PYGO1: variants seen among roughly 807,000 people sequenced by gnomAD.
PYGO1 encodes pygopus family PHD finger 1.
A neutral mutation model predicts 29.5 loss-of-function variants in PYGO1; 6 were observed. That is an observed-to-expected ratio of 0.20 (90% confidence interval 0.11 to 0.40). The LOEUF (loss-of-function observed/expected upper bound fraction) is 0.40. Among genes scored for constraint, PYGO1 ranks in the 10% least tolerant of loss-of-function variants. PYGO1 has a pLI of 1.00. For synonymous variants in PYGO1, 186 were observed against 180.5 expected (o/e 1.03, Z -0.24); for missense variants, 515 against 514.9 (o/e 1.00, Z 0.00).
chr15:55,582,091 C>A (rs2059027328), intron 1 of PYGO1, among the ~76,000 whole-genome samples: 1 of 151,474 alleles, frequency 6.6e-6, no homozygotes, highest in Non-Finnish European at 1.5e-5. Context: ...CCTATAATCC[C>A]AGCTACTCTG....
At chr15:55,578,478 A>G (rs1031731443) in intron 1 of PYGO1, among the ~76,000 whole-genome samples, 2 of 152,172 alleles carry the variant, frequency 1.3e-5, no homozygotes, top group Non-Finnish European at 2.9e-5. Context: ...TTTCATCTGC[A>G]AGGTATGAGG....
intron 1 of PYGO1, among the ~76,000 whole-genome samples, chr15:55,583,092 T>C (rs2059031888): frequency 6.6e-6 from 1 of 152,168 alleles, no homozygotes; most frequent in South Asian, 2.1e-4. Flanking sequence ...TTTCTTTCTT[T>C]CTCCATTCTC....
chr15:55,588,137 C>T lies in PYGO1; in HGVS notation c.-254G>A, dbSNP rs1179095361. Reference sequence around the variant, plus strand: ...CAGCGGCGGTGGCCGGGAGCGCGGCCTGGGGGCGGCCCCCCACCCGGGGCC... The same window carrying T: ...CAGCGGCGGTGGCCGGGAGCGCGGCTTGGGGGCGGCCCCCCACCCGGGGCC... On this transcript the variant is annotated 5_prime_UTR_variant, in exon 1 of 3. Coordinates refer to ENST00000563719, the MANE Select transcript of PYGO1 (RefSeq NM_001367806.1). The T allele has an allele frequency of 1.2e-5, 9 of 755,454 alleles. No individual in the cohort carries two copies. Among genetic ancestry groups the T allele is most frequent in the Non-Finnish European group, 1.4e-5 (9 of 622,260 alleles). 46.8% of individuals were successfully genotyped at this position (755,454 alleles called of 1,614,324 possible). A position where few individuals can be genotyped will look rare whatever the true frequency, so the allele number is the denominator to read the frequency against.
intron 1 of PYGO1, among the ~76,000 whole-genome samples, chr15:55,559,717 C>T (rs1405853615): frequency 1.3e-5 from 2 of 152,122 alleles, no homozygotes; most frequent in Non-Finnish European, 2.9e-5. Context: ...ATAACAAAAC[C>T]TGGCAGAGAT....
At chr15:55,581,877 C>G (rs1412147740) in intron 1 of PYGO1, among the ~76,000 whole-genome samples, 1 of 152,032 alleles carries the variant, frequency 6.6e-6, no homozygotes. Flanking sequence ...AATAAAGCAG[C>G]AGCTATGGAA....
At chr15:55,554,225 G>C (rs1450854966) in intron 1 of PYGO1, among the ~76,000 whole-genome samples, 1 of 152,014 alleles carries the variant, frequency 6.6e-6, no homozygotes. Flanking sequence ...AGCACTTTGG[G>C]AGGCCAAGGT....
At chr15:55,588,809 G>C (rs1259178158), upstream of PYGO1, 2 of 1,613,780 alleles carry the variant, frequency 1.2e-6, no homozygotes, top group Non-Finnish European at 1.7e-6. Context: ...CGTACCATGC[G>C]AGGAAACTTT....
intron 1 of PYGO1, among the ~76,000 whole-genome samples, chr15:55,578,740 G>A (rs1383850169): frequency 6.6e-6 from 1 of 152,032 alleles, no homozygotes; most frequent in East Asian, 1.9e-4. Context: ...TATATATTCT[G>A]GGTACTAAAC....
rs2058844443 is a variant in PYGO1 at position 55,545,226 on chromosome 15, C to G, written c.*797G>C. On this transcript the variant is annotated 3_prime_UTR_variant, in exon 3 of 3. Coordinates refer to ENST00000563719, the MANE Select transcript of PYGO1 (RefSeq NM_001367806.1). ...CTTCTGTGGATACTATAGTATTTCT[C>G]TGGAAAACAATAAACAATAACAAGA... 1 of 152,136 alleles carries G rather than the reference C, an allele frequency of 6.6e-6. No homozygotes were observed. The highest frequency in any genetic ancestry group is 2.1e-4 in the South Asian group (1 of 4,828). 9.4% of individuals were successfully genotyped at this position (152,136 alleles called of 1,614,324 possible).
intron 2 of PYGO1, among the ~76,000 whole-genome samples, chr15:55,547,764 A>G (rs781483786): frequency 6.6e-6 from 1 of 152,338 alleles, no homozygotes; most frequent in East Asian, 1.9e-4. Context: ...TTTATCATAG[A>G]AAGAGTGCTT....
rs111817068 is a variant in PYGO1, at chr15:55,546,359, T to A, written c.924A>T (p.Arg308=). 6.2e-7 allele frequency: 1 copy of A among 1,614,214 alleles called. No individual in the cohort carries two copies. The highest frequency in any genetic ancestry group is 8.5e-7 in the Non-Finnish European group (1 of 1,180,016). The change falls in exon 3 of 3, where the codon CGA becomes CGT. Residue 308 remains arginine (R), a synonymous_variant. Coordinates refer to ENST00000563719, the MANE Select transcript of PYGO1 (RefSeq NM_001367806.1). ...AGGCATCTGCTGCACCTCTTGGTTG[T>A]CGTGGCTTATTCTGCGTCCCATTTG... ...NPANGTQNKP[R]QPRGAADACT... is the part of the protein sequence containing the mutation.
At chr15:55,569,320 C>T (rs1315110143) in intron 1 of PYGO1, among the ~76,000 whole-genome samples, 2 of 151,882 alleles carry the variant, frequency 1.3e-5, no homozygotes, top group Admixed American at 1.3e-4. Context: ...ATTTCTTCTG[C>T]TAGCCTTGAG....
At chr15:55,557,434 T>A (rs1217433236) in intron 1 of PYGO1, among the ~76,000 whole-genome samples, 1 of 152,192 alleles carries the variant, frequency 6.6e-6, no homozygotes, top group Admixed American at 6.5e-5. Context: ...GCTGGTACTA[T>A]TCCTTCTGAA....
intron 1 of PYGO1, among the ~76,000 whole-genome samples, chr15:55,584,524 T>C (rs1314903839): frequency 1.3e-5 from 2 of 152,198 alleles, no homozygotes; most frequent in Admixed American, 6.5e-5. Context: ...AAAAGAGTTC[T>C]AGGAATACTG....
chr15:55,573,193 C>A (rs1219664845), intron 1 of PYGO1, among the ~76,000 whole-genome samples: 1 of 152,010 alleles, frequency 6.6e-6, no homozygotes, highest in Non-Finnish European at 1.5e-5. Flanking sequence ...GCAATCCCAG[C>A]TACTTAGGAG....
At position 55,587,795 on chromosome 15, in the gene PYGO1, C is replaced by G. The variant is rs1366231370; in HGVS notation, c.49+40G>C. The stretch of plus-strand genomic sequence containing the variant: ...CGGGCACGGGGCCCCGCGCACCTCA[C>G]TCACCCCGGTTCCCCCAATCCGGCA... On this transcript the variant is annotated intron_variant, in intron 1 of 2. Transcript: ENST00000563719. The G allele has an allele frequency of 3.4e-6, 5 of 1,471,974 alleles. No homozygotes were observed. The South Asian group carries it at 6.4e-5, about 19-fold the overall frequency. The allele number at this position is 1,471,974 out of a possible 1,614,324, so 91.2% of individuals were successfully genotyped here.
intron 1 of PYGO1, among the ~76,000 whole-genome samples, chr15:55,565,750 A>AT (rs2058953607): frequency 6.6e-6 from 1 of 151,820 alleles, no homozygotes. Context: ...AAAAAGAAAC[A>AT]TATTTATTTC....
intron 1 of PYGO1, among the ~76,000 whole-genome samples, chr15:55,586,618 TA>T (rs2059047695): frequency 1.3e-5 from 2 of 152,228 alleles, no homozygotes; most frequent in Admixed American, 6.5e-5. Flanking sequence ...TTGCTGCAGT[TA>T]CAATAGCTTC....
intron 1 of PYGO1, among the ~76,000 whole-genome samples, chr15:55,556,214 C>T (rs904309632): frequency 1.4e-4 from 22 of 152,258 alleles, no homozygotes; most frequent in African/African-American, 4.8e-4. Flanking sequence ...TTCTTTTCAT[C>T]GACACATGGC....
Sources: allele counts gnomAD v4.1 joint callset (sites outside exome capture counted in the v4.1 genomes callset), GRCh38; gene constraint gnomAD v4.1.1; transcripts MANE v1.5; gene names NCBI Gene and HGNC (gene_info 2026-07-23, HGNC 2026-07-21).